The following KHDRBS2 variants were observed in gnomAD, a reference collection of about 807,000 sequenced individuals.
The protein encoded by KHDRBS2 is KH RNA binding domain containing, signal transduction associated 2.
KHDRBS2 carries 26 observed loss-of-function variants against 44.3 expected under a neutral mutation model. That is an observed-to-expected ratio of 0.59 (90% CI 0.43 to 0.81). The LOEUF (loss-of-function observed/expected upper bound fraction) is 0.81, where lower values mean the gene tolerates loss of function less well. KHDRBS2 is among the 40% of genes least tolerant of loss of function. KHDRBS2 has a pLI of 0.00. For synonymous variants in KHDRBS2, 194 were observed against 151.1 expected (o/e 1.28, Z -2.08); for missense variants, 476 against 433.1 (o/e 1.10, Z -0.88).
intron 6 of KHDRBS2, among the ~76,000 whole-genome samples, chr6:61,794,790 T>A (rs1743442): frequency 6.6e-6 from 1 of 151,802 alleles, no homozygotes; most frequent in African/African-American, 2.4e-5. Context: ...TATCCCTCAA[T>A]AATGCTTAGT....
chr6:62,086,471 A>G (rs1004639209), intron 2 of KHDRBS2, among the ~76,000 whole-genome samples: 2 of 152,184 alleles, frequency 1.3e-5, no homozygotes, highest in Non-Finnish European at 2.9e-5. Context: ...AAGAAATCTG[A>G]GAATATTGTG....
At chr6:62,171,848 A>T (rs949679632) in intron 2 of KHDRBS2, among the ~76,000 whole-genome samples, 16 of 152,170 alleles carry the variant, frequency 1.1e-4, no homozygotes, top group Admixed American at 1.0e-3. Context: ...AGCAAAGGAG[A>T]AATAAGATTC....
intron 6 of KHDRBS2, among the ~76,000 whole-genome samples, chr6:61,766,523 CT>C (rs1482962115): frequency 6.6e-6 from 1 of 151,744 alleles, no homozygotes; most frequent in African/African-American, 2.4e-5. Context: ...TTTGCTCTTA[CT>C]TTTTTAGTTC....
chr6:61,681,293 A>G (rs1362922446), intron 8 of KHDRBS2, among the ~76,000 whole-genome samples: 1 of 151,966 alleles, frequency 6.6e-6, no homozygotes, highest in African/African-American at 2.4e-5. Flanking sequence ...AGGAGTATCA[A>G]TGTAAACCCC....
intron 1 of KHDRBS2, among the ~76,000 whole-genome samples, chr6:62,256,766 T>C (rs1837452671): frequency 6.6e-6 from 1 of 152,108 alleles, no homozygotes; most frequent in Non-Finnish European, 1.5e-5. Context: ...TAGTTATTTC[T>C]GTAAATGCAG....
chr6:62,082,023 A>T (rs1280754730), intron 2 of KHDRBS2, among the ~76,000 whole-genome samples: 1 of 152,128 alleles, frequency 6.6e-6, no homozygotes, highest in African/African-American at 2.4e-5. Flanking sequence ...TAGGGTATTG[A>T]TCTCAGAATT....
intron 4 of KHDRBS2, among the ~76,000 whole-genome samples, chr6:61,936,941 A>G (rs2127371837): frequency 6.6e-6 from 1 of 152,062 alleles, no homozygotes; most frequent in East Asian, 1.9e-4. Context: ...TATCCATCTG[A>G]AGACTTTAAA....
intron 2 of KHDRBS2, among the ~76,000 whole-genome samples, chr6:62,130,523 G>A (rs1214765143): frequency 6.6e-6 from 1 of 152,010 alleles, no homozygotes; most frequent in Non-Finnish European, 1.5e-5. Flanking sequence ...AATTGTTAAT[G>A]AGCAATGGTA....
At chr6:62,145,665 G>C (rs1407259365) in intron 2 of KHDRBS2, among the ~76,000 whole-genome samples, 2 of 151,782 alleles carry the variant, frequency 1.3e-5, no homozygotes, top group African/African-American at 4.8e-5. Context: ...AATGTTAACT[G>C]TATCATGTCT....
At chr6:61,767,263 T>C (rs1027401458) in intron 6 of KHDRBS2, among the ~76,000 whole-genome samples, 1 of 152,112 alleles carries the variant, frequency 6.6e-6, no homozygotes, top group African/African-American at 2.4e-5. Flanking sequence ...TAGCTATTAG[T>C]ATAGCTAGCT....
At chr6:61,959,985 T>C (rs1346826105) in intron 4 of KHDRBS2, among the ~76,000 whole-genome samples, 1 of 152,148 alleles carries the variant, frequency 6.6e-6, no homozygotes, top group Non-Finnish European at 1.5e-5. Flanking sequence ...AATCTTCTGT[T>C]TCAGAAAACA....
Position 61,848,581 on chromosome 6 carries a change from A to G in KHDRBS2, c.810+46054T>C, listed in dbSNP as rs1267709492. Among the ~76,000 whole-genome samples, 13 of 105,018 alleles carry G rather than the reference A, an allele frequency of 1.2e-4. 2 individuals are homozygous for G. Among genetic ancestry groups the G allele is most frequent in the South Asian group, 5.9e-4 (2 of 3,366 alleles). The allele number at this position is 105,018 out of a possible 152,430, so 68.9% of individuals were successfully genotyped here. On this transcript the variant is annotated intron_variant, in intron 6 of 8. Transcript: ENST00000281156. ...TATATATGTATATATATATACATAT[A>G]TATATATATATACTTTTTTTTAACT...
intron 4 of KHDRBS2, among the ~76,000 whole-genome samples, chr6:61,953,703 C>A (rs1765264284): frequency 6.6e-6 from 1 of 151,936 alleles, no homozygotes; most frequent in African/African-American, 2.4e-5. Flanking sequence ...CATGACCCAC[C>A]CATGCTCTAG....
intron 3 of KHDRBS2, among the ~76,000 whole-genome samples, chr6:61,984,991 T>TG (rs1774760326): frequency 6.6e-6 from 1 of 152,164 alleles, no homozygotes; most frequent in South Asian, 2.1e-4. Flanking sequence ...ACTATTGTGG[T>TG]GCTCATAAAA....
the KHDRBS2 span, among the ~76,000 whole-genome samples, chr6:61,592,267 G>A: frequency 1.3e-5 from 2 of 151,010 alleles, no homozygotes; most frequent in East Asian, 3.9e-4. Context: ...GTGCATGGAA[G>A]TCATACAAAA....
intron 6 of KHDRBS2, among the ~76,000 whole-genome samples, chr6:61,824,784 A>G (rs1258607152): frequency 6.6e-6 from 1 of 152,164 alleles, no homozygotes; most frequent in Non-Finnish European, 1.5e-5. Flanking sequence ...GGTCAAATTC[A>G]GTTGTTAAAT....
chr6:61,614,706 G>C, the KHDRBS2 span, among the ~76,000 whole-genome samples: 1 of 152,050 alleles, frequency 6.6e-6, no homozygotes, highest in African/African-American at 2.4e-5. Flanking sequence ...TTTTTTCACA[G>C]AGTGTGGGGA....
At chr6:62,211,398 A>T (rs1345452638) in intron 1 of KHDRBS2, among the ~76,000 whole-genome samples, 2 of 152,202 alleles carry the variant, frequency 1.3e-5, no homozygotes, top group Non-Finnish European at 2.9e-5. Context: ...TTGTGACATC[A>T]TGTGGAACCA....
intron 7 of KHDRBS2, among the ~76,000 whole-genome samples, chr6:61,704,703 G>A (rs908092569): frequency 6.6e-6 from 1 of 151,778 alleles, no homozygotes; most frequent in Non-Finnish European, 1.5e-5. Flanking sequence ...TCTGCGGGCA[G>A]TGTCTTTCCT....
Sources: gnomAD v4.1 joint callset for allele counts (sites outside exome capture counted in the v4.1 genomes callset) on GRCh38, gnomAD v4.1.1 for gene constraint, MANE v1.5 for transcripts, NCBI Gene and HGNC (gene_info 2026-07-23, HGNC 2026-07-21) for gene names.